SKAP1: variants seen among roughly 807,000 people sequenced by gnomAD.
The protein encoded by SKAP1 is src kinase-associated phosphoprotein 1.
SKAP1 carries 44 observed loss-of-function variants against 58.5 expected under a neutral mutation model. The observed-to-expected ratio is 0.75, with a 90% confidence interval of 0.59 to 0.97. The LOEUF (loss-of-function observed/expected upper bound fraction) is 0.97. SKAP1 is among the 50% of genes least tolerant of loss of function. SKAP1 has a pLI of 0.00. For synonymous variants in SKAP1, 127 were observed against 149.7 expected, an observed-to-expected ratio of 0.85 and a Z score of 1.11; for missense variants, 390 against 435.2, an observed-to-expected ratio of 0.90 and a Z score of 0.92.
intron 6 of SKAP1, among the ~76,000 whole-genome samples, chr17:48,187,432 T>TA (rs2064472476): frequency 6.6e-6 from 1 of 152,216 alleles, no homozygotes; most frequent in South Asian, 2.1e-4. Context: ...AGCATGCCCT[T>TA]AGGGGGTTCT....
the SKAP1 span, among the ~76,000 whole-genome samples, chr17:48,436,433 T>G: frequency 6.6e-6 from 1 of 152,174 alleles, no homozygotes; most frequent in Admixed American, 6.5e-5. Flanking sequence ...CAACATTTTC[T>G]TCCTGTGTAA....
intron 11 of SKAP1, among the ~76,000 whole-genome samples, chr17:48,150,065 A>G (rs558863435): frequency 6.6e-6 from 1 of 152,346 alleles, no homozygotes; most frequent in Non-Finnish European, 1.5e-5. Flanking sequence ...GTTGGACGGA[A>G]ATTAGCAGCG....
intron 1 of SKAP1, among the ~76,000 whole-genome samples, chr17:48,407,933 G>C (rs2067610026): frequency 6.6e-6 from 1 of 151,694 alleles, no homozygotes; most frequent in Non-Finnish European, 1.5e-5. Context: ...TCAGAGGGGG[G>C]GGAATCCAGT....
intron 4 of SKAP1, among the ~76,000 whole-genome samples, chr17:48,342,963 T>C (rs2144318361): frequency 6.6e-6 from 1 of 152,264 alleles, no homozygotes; most frequent in East Asian, 1.9e-4. Flanking sequence ...CTAGCCTGGG[T>C]GACAGAGCGA....
Position 48,187,908 on chromosome 17 carries a change from G to C in SKAP1, c.377C>G (p.Ser126Trp), listed in dbSNP as rs368601769. 1 of 1,613,684 alleles carries C rather than the reference G, an allele frequency of 6.2e-7. No individual in the cohort carries two copies. The highest frequency in any genetic ancestry group is 8.5e-7 in the Non-Finnish European group (1 of 1,179,688). Residue 126 changes from serine (S) to tryptophan (W), a missense_variant, in exon 6 of 13, where the codon TCG (serine) becomes TGG (tryptophan). Ser to Trp is a radical substitution (Grantham distance 177, BLOSUM62 -3). Coordinates refer to ENST00000336915, the MANE Select transcript of SKAP1 (RefSeq NM_003726.4). ...AACACACCATCGCTTCTGCCACTCCGATCCAAAGAAACTATGATCTAAACA... is the reference window on the plus strand; with the variant it reads ...AACACACCATCGCTTCTGCCACTCCCATCCAAAGAAACTATGATCTAAACA... Reference protein sequence around the residue: ...KKSKDHSFFGSEWQKRWCVVS... With the variant: ...KKSKDHSFFGWEWQKRWCVVS...
chr17:48,189,431 T>G lies in SKAP1; in HGVS notation c.350A>C (p.Lys117Thr). ...GTGGGTCTGACCAATACCTTTGCTT[T>G]TCTTCTCCAAGTATCCTTGCTTGAT... ...NVIKQGYLEK[K>T]SKDHSFFGSE... The change falls in exon 5 of 13, where the codon AAA becomes ACA. Residue 117 changes from lysine to threonine, a missense_variant. Transcript: ENST00000336915. 6.2e-7 allele frequency: 1 copy of G among 1,612,722 alleles called. No homozygotes were observed.
intron 4 of SKAP1, among the ~76,000 whole-genome samples, chr17:48,236,945 T>G (rs2065187352): frequency 1.3e-5 from 2 of 152,234 alleles, no homozygotes; most frequent in Admixed American, 6.5e-5. Flanking sequence ...TTGTATCATG[T>G]AATCTTCAAA....
intron 4 of SKAP1, among the ~76,000 whole-genome samples, chr17:48,192,568 C>T (rs1288723281): frequency 2.0e-5 from 3 of 152,084 alleles, no homozygotes; most frequent in African/African-American, 7.2e-5. Context: ...TAAAAAATGC[C>T]TGAGTGAAAC....
chr17:48,291,671 C>A, intron 4 of SKAP1, among the ~76,000 whole-genome samples: 1 of 152,138 alleles, frequency 6.6e-6, no homozygotes, highest in East Asian at 1.9e-4. Context: ...GTGTAGCTCC[C>A]TAAATCATAT....
rs532837123 is a variant in SKAP1 at position 48,278,520 on chromosome 17, A to C, written c.280+67385T>G. Reference sequence around the variant, plus strand: ...CATGTGAAGTCTTCCAGATGTGTTAATTATGTTGAACCTAATGCTAAGGAT... The same window carrying C: ...CATGTGAAGTCTTCCAGATGTGTTACTTATGTTGAACCTAATGCTAAGGAT... On this transcript the variant is annotated intron_variant, in intron 4 of 12. Coordinates refer to ENST00000336915, the MANE Select transcript of SKAP1 (RefSeq NM_003726.4). Among the ~76,000 whole-genome samples, 7 of 152,352 alleles carry C rather than the reference A, an allele frequency of 4.6e-5. No homozygotes were observed. In the South Asian group the frequency reaches 1.4e-3, roughly 32 times the overall value.
intron 4 of SKAP1, among the ~76,000 whole-genome samples, chr17:48,248,457 C>T (rs895012545): frequency 5.3e-5 from 8 of 152,150 alleles, no homozygotes; most frequent in Admixed American, 3.9e-4. Context: ...ATCCCAGCTA[C>T]TCATGAGGCT....
At chr17:48,414,233 G>T (rs2067704724) in intron 1 of SKAP1, among the ~76,000 whole-genome samples, 1 of 152,006 alleles carries the variant, frequency 6.6e-6, no homozygotes. Context: ...CGAGGGGAAG[G>T]TAAATCACGG....
intron 2 of SKAP1, among the ~76,000 whole-genome samples, chr17:48,364,058 G>T (rs551383347): frequency 6.6e-6 from 1 of 152,168 alleles, no homozygotes; most frequent in African/African-American, 2.4e-5. Flanking sequence ...GAGCTGGAAA[G>T]GTCCTAAAAG....
intron 3 of SKAP1, among the ~76,000 whole-genome samples, chr17:48,348,241 G>A (rs931141983): frequency 6.6e-6 from 1 of 151,340 alleles, no homozygotes; most frequent in Non-Finnish European, 1.5e-5. Context: ...TTGAGAGGCT[G>A]AGACATGGGG....
chr17:48,159,708 G>A (rs1177030691), intron 11 of SKAP1, among the ~76,000 whole-genome samples: 1 of 152,166 alleles, frequency 6.6e-6, no homozygotes, highest in South Asian at 2.1e-4. Context: ...GTGGAATCTC[G>A]TTTTCTATCT....
intron 4 of SKAP1, among the ~76,000 whole-genome samples, chr17:48,309,546 T>C (rs2066193919): frequency 6.6e-6 from 1 of 152,068 alleles, no homozygotes; most frequent in Admixed American, 6.6e-5. Flanking sequence ...CTTGTTTGTA[T>C]AAGGAAGGGT....
At chr17:48,280,221 A>G (rs933405058) in intron 4 of SKAP1, among the ~76,000 whole-genome samples, 1 of 152,180 alleles carries the variant, frequency 6.6e-6, no homozygotes, top group Non-Finnish European at 1.5e-5. Flanking sequence ...GAATCTCAGC[A>G]TTTTGGGAGG....
chr17:48,345,095 G>A (rs1017247269), intron 4 of SKAP1, among the ~76,000 whole-genome samples: 1 of 152,146 alleles, frequency 6.6e-6, no homozygotes, highest in Non-Finnish European at 1.5e-5. Flanking sequence ...AAAACCATGC[G>A]CATCCATGAT....
At chr17:48,318,452 A>T (rs1048780719) in intron 4 of SKAP1, among the ~76,000 whole-genome samples, 1 of 152,208 alleles carries the variant, frequency 6.6e-6, no homozygotes, top group Non-Finnish European at 1.5e-5. Context: ...TTTCTGACAC[A>T]CTAAGCTACT....
Sources: gnomAD v4.1 joint callset for allele counts (sites outside exome capture counted in the v4.1 genomes callset) on GRCh38, gnomAD v4.1.1 for gene constraint, MANE v1.5 for transcripts, NCBI Gene and HGNC (gene_info 2026-07-23, HGNC 2026-07-21) for gene names.